GULP1: variants seen among roughly 807,000 people sequenced by gnomAD.
GULP1 encodes PTB domain-containing engulfment adapter protein 1.
In GULP1, 19 loss-of-function variants were observed where a neutral mutation model predicts 40.9. The ratio of observed to expected loss-of-function variants is 0.46; its 90% CI spans 0.32 to 0.68. The LOEUF (loss-of-function observed/expected upper bound fraction) is 0.68. Ranked by LOEUF, GULP1 falls within the 30% of genes least tolerant of loss-of-function variation. The pLI, the probability that GULP1 is intolerant of heterozygous loss-of-function variation, is 0.03. For synonymous variants in GULP1, 119 were observed against 117.6 expected (o/e 1.01, Z -0.08); for missense variants, 312 against 362.2 (o/e 0.86, Z 1.12).
rs186320243 is a variant in GULP1 at position 188,561,558 on chromosome 2, C to T, written c.400-7681C>T. 2.6e-4 allele frequency among the ~76,000 whole-genome samples: 40 copies of T among 152,218 alleles called. 1 individual carries two copies. The highest frequency in any genetic ancestry group is 9.4e-4 in the African/African-American group (39 of 41,546). On this transcript the variant is annotated intron_variant, in intron 7 of 11. Coordinates refer to ENST00000409830, the MANE Select transcript of GULP1 (RefSeq NM_016315.4). ...AATGTGGTGGATTGGGTTGGGTAAT[C>T]CACATGATCCTGGGCTAAGTCCTGG...
intron 4 of GULP1, among the ~76,000 whole-genome samples, chr2:188,512,518 A>G (rs1450252585): frequency 6.6e-6 from 1 of 152,064 alleles, no homozygotes; most frequent in Non-Finnish European, 1.5e-5. Context: ...TAGCAGTTAG[A>G]CTTCGTAACT....
intron 6 of GULP1, among the ~76,000 whole-genome samples, chr2:188,533,511 T>G (rs1160966864): frequency 6.6e-6 from 1 of 152,166 alleles, no homozygotes; most frequent in Admixed American, 6.5e-5. Flanking sequence ...ATGTAAGACC[T>G]TAAAGTATAA....
At chr2:188,473,701 C>G (rs2060780569) in intron 2 of GULP1, among the ~76,000 whole-genome samples, 1 of 152,100 alleles carries the variant, frequency 6.6e-6, no homozygotes, top group African/African-American at 2.4e-5. Context: ...AAGGACAGGT[C>G]CAGAAATGTT....
At chr2:188,526,373 A>T (rs1442460192) in intron 5 of GULP1, among the ~76,000 whole-genome samples, 2 of 152,172 alleles carry the variant, frequency 1.3e-5, no homozygotes, top group East Asian at 3.8e-4. Flanking sequence ...CCAAGAAATA[A>T]ATCCACTGAA....
At chr2:188,544,414 C>T (rs1045253355) in intron 7 of GULP1, among the ~76,000 whole-genome samples, 1 of 151,868 alleles carries the variant, frequency 6.6e-6, no homozygotes, top group African/African-American at 2.4e-5. Context: ...GAAGATATAG[C>T]ATTAGGAGAT....
chr2:188,363,874 A>G (rs1240509869), intron 1 of GULP1, among the ~76,000 whole-genome samples: 2 of 152,148 alleles, frequency 1.3e-5, no homozygotes, highest in African/African-American at 2.4e-5. Flanking sequence ...TGGCAGCTTT[A>G]AGAGCTAACC....
At chr2:188,465,637 A>G (rs2060047984) in intron 2 of GULP1, among the ~76,000 whole-genome samples, 1 of 152,040 alleles carries the variant, frequency 6.6e-6, no homozygotes, top group East Asian at 1.9e-4. Context: ...GGGATTGGCA[A>G]TTCTCCTTTG....
At chr2:188,320,730 T>TATGTGAATATGGGCAATCTTCA (rs1320349600) in intron 1 of GULP1, among the ~76,000 whole-genome samples, 5 of 152,140 alleles carry the variant, frequency 3.3e-5, no homozygotes, top group African/African-American at 1.2e-4. Flanking sequence ...ATTCATCTTC[T>TATGTGAATATGGGCAATCTTCA]ATGTGAATAT....
chr2:188,582,395 T>C (rs776403468), intron 9 of GULP1: 12 of 471,468 alleles, frequency 2.5e-5, no homozygotes, highest in Non-Finnish European at 4.4e-5. Flanking sequence ...ATGCTCATCC[T>C]CTTTCTGGCG....
At chr2:188,394,406 C>T (rs1432044481) in intron 2 of GULP1, among the ~76,000 whole-genome samples, 1 of 151,876 alleles carries the variant, frequency 6.6e-6, no homozygotes, top group Non-Finnish European at 1.5e-5. Flanking sequence ...ATATCTTTCT[C>T]TTTAGAAAAA....
At chr2:188,393,071 T>A (rs951801735) in intron 2 of GULP1, among the ~76,000 whole-genome samples, 1 of 152,064 alleles carries the variant, frequency 6.6e-6, no homozygotes, top group Non-Finnish European at 1.5e-5. Flanking sequence ...TTGGATAGAA[T>A]GTTCTGTAAA....
chr2:188,361,036 G>C (rs2046001916), intron 1 of GULP1, among the ~76,000 whole-genome samples: 1 of 152,008 alleles, frequency 6.6e-6, no homozygotes, highest in Non-Finnish European at 1.5e-5. Context: ...TTTCTAAAAT[G>C]TCACTGCATT....
At chr2:188,430,743 C>G (rs1373713474) in intron 2 of GULP1, among the ~76,000 whole-genome samples, 1 of 152,178 alleles carries the variant, frequency 6.6e-6, no homozygotes, top group Admixed American at 6.5e-5. Flanking sequence ...TCCTTTTCCT[C>G]AAAGCCAGCA....
chr2:188,300,681 A>G (rs958986704), intron 1 of GULP1, among the ~76,000 whole-genome samples: 16 of 152,084 alleles, frequency 1.1e-4, no homozygotes, highest in Non-Finnish European at 2.1e-4. Context: ...TTGATGTTTG[A>G]TTTATTTGAA....
chr2:188,484,318 A>C (rs1430214377), intron 4 of GULP1, among the ~76,000 whole-genome samples: 1 of 152,160 alleles, frequency 6.6e-6, no homozygotes, highest in African/African-American at 2.4e-5. Context: ...TGTGTCTTTA[A>C]AGATTTCATT....
chr2:188,569,535 T>A (rs959411690), intron 8 of GULP1, 180 bp downstream of exon 8: 11 of 553,742 alleles, frequency 2.0e-5, no homozygotes, highest in East Asian at 9.8e-5. Context: ...TTTTTTTTTT[T>A]AACTATTTTA....
At chr2:188,507,396 C>CTTTTTTTTTTT (rs5837091) in intron 4 of GULP1, among the ~76,000 whole-genome samples, 5 of 103,532 alleles carry the variant, frequency 4.8e-5, no homozygotes, top group Non-Finnish European at 6.0e-5. Flanking sequence ...CATTTGTTTT[C>CTTTTTTTTTTT]TTTTTTTTTT....
At chr2:188,405,280 T>C (rs553367844) in intron 2 of GULP1, among the ~76,000 whole-genome samples, 1 of 151,904 alleles carries the variant, frequency 6.6e-6, no homozygotes, top group East Asian at 1.9e-4. Context: ...GCACCCATGA[T>C]CTCAGCCCCC....
chr2:188,572,345 G>C (rs1441125117), intron 9 of GULP1, among the ~76,000 whole-genome samples: 1 of 152,116 alleles, frequency 6.6e-6, no homozygotes, highest in Non-Finnish European at 1.5e-5. Context: ...AAATGAATTA[G>C]CACTCCTGAG....
Sources: gnomAD v4.1 joint callset for allele counts (sites outside exome capture counted in the v4.1 genomes callset) on GRCh38, gnomAD v4.1.1 for gene constraint, MANE v1.5 for transcripts, NCBI Gene and HGNC (gene_info 2026-07-23, HGNC 2026-07-21) for gene names.